The following SGCZ variants were observed in gnomAD, a reference collection of about 807,000 sequenced individuals.
SGCZ encodes the protein sarcoglycan zeta.
In SGCZ, 40 loss-of-function variants were observed where a neutral mutation model predicts 41.3. The observed-to-expected ratio is 0.97, with a 90% CI of 0.75 to 1.26. SGCZ has a LOEUF of 1.26. SGCZ is among the 50% of genes most tolerant of loss of function. The probability of loss-of-function intolerance (pLI) is 0.00; values close to 1 mark genes in which losing one functional copy is unlikely to be tolerated. For synonymous variants in SGCZ, 206 were observed against 137.5 expected (o/e 1.50, Z -3.49); for missense variants, 552 against 369.8 (o/e 1.49, Z -4.04).
chr8:14,758,838 G>C lies in SGCZ; in HGVS notation c.40-203912C>G, dbSNP rs370993933. The stretch of plus-strand genomic sequence containing the variant: ...AGCCTGATCAACATGAAGAAACCCT[G>C]TCTCTACTAAAAATACAAAATTAAC... On this transcript the variant is annotated intron_variant, in intron 1 of 7. Transcript: ENST00000382080. 1.8e-4 allele frequency among the ~76,000 whole-genome samples: 28 copies of C among 152,060 alleles called. No individual in the cohort carries two copies. In the East Asian group the frequency reaches 3.9e-3, roughly 21 times the overall value.
At chr8:14,466,620 T>A (rs1412870245) in intron 2 of SGCZ, among the ~76,000 whole-genome samples, 1 of 151,772 alleles carries the variant, frequency 6.6e-6, no homozygotes, top group Non-Finnish European at 1.5e-5. Context: ...CTCATGTTCC[T>A]TAAATTTTTT....
chr8:14,332,424 G>A (rs187074218), intron 2 of SGCZ: 1 of 152,130 alleles, frequency 6.6e-6, no homozygotes, highest in Non-Finnish European at 1.5e-5. Context: ...CTGGGCGACA[G>A]AGAGAGACTC....
chr8:14,417,745 A>G (rs1217174540), intron 2 of SGCZ, among the ~76,000 whole-genome samples: 1 of 151,876 alleles, frequency 6.6e-6, no homozygotes, highest in African/African-American at 2.4e-5. Flanking sequence ...CAAAAAAGGT[A>G]ACTATGTAAG....
chr8:14,559,468 G>A (rs925244865), intron 1 of SGCZ, among the ~76,000 whole-genome samples: 7 of 151,896 alleles, frequency 4.6e-5, no homozygotes, highest in South Asian at 4.2e-4. Context: ...AAACACTACC[G>A]AAAGAAATTA....
intron 2 of SGCZ, among the ~76,000 whole-genome samples, chr8:14,539,895 T>A (rs1803407697): frequency 6.6e-6 from 1 of 151,964 alleles, no homozygotes; most frequent in Non-Finnish European, 1.5e-5. Context: ...TTTGTTGGCT[T>A]GTTTGCTTTA....
chr8:14,520,638 A>G (rs1363295940), intron 2 of SGCZ, among the ~76,000 whole-genome samples: 1 of 152,160 alleles, frequency 6.6e-6, no homozygotes, highest in Non-Finnish European at 1.5e-5. Context: ...ATAAGGGCAC[A>G]ATATATTTCT....
intron 5 of SGCZ, among the ~76,000 whole-genome samples, chr8:14,128,610 G>A (rs2117051972): frequency 6.6e-6 from 1 of 152,224 alleles, no homozygotes; most frequent in Non-Finnish European, 1.5e-5. Flanking sequence ...CATGTTTACT[G>A]CAGCACTATT....
intron 2 of SGCZ, among the ~76,000 whole-genome samples, chr8:14,420,340 T>G (rs1799605557): frequency 6.6e-6 from 1 of 152,076 alleles, no homozygotes; most frequent in African/African-American, 2.4e-5. Context: ...CCATCACTAA[T>G]TATTGCTATT....
At chr8:15,117,124 C>A (rs1009658107) in intron 1 of SGCZ, among the ~76,000 whole-genome samples, 2 of 152,188 alleles carry the variant, frequency 1.3e-5, no homozygotes, top group Non-Finnish European at 2.9e-5. Context: ...GTAATCCCAG[C>A]ATTTTGGGAG....
At chr8:14,604,740 T>A (rs906155823) in intron 1 of SGCZ, among the ~76,000 whole-genome samples, 8 of 152,168 alleles carry the variant, frequency 5.3e-5, no homozygotes, top group Non-Finnish European at 1.2e-4. Flanking sequence ...GAGAGAATTG[T>A]TACTTTTACT....
intron 1 of SGCZ, among the ~76,000 whole-genome samples, chr8:14,895,007 G>A (rs901828870): frequency 1.3e-5 from 2 of 152,094 alleles, no homozygotes; most frequent in Non-Finnish European, 1.5e-5. Flanking sequence ...CTAAAGTTTG[G>A]GGGTCCAGGG....
intron 4 of SGCZ, chr8:14,165,106 C>T (rs1370288136): frequency 2.4e-5 from 4 of 163,340 alleles, no homozygotes; most frequent in Non-Finnish European, 5.4e-5. Context: ...GCAGTGTAGA[C>T]AATAGTACCC....
At chr8:15,039,963 C>T (rs551241366) in intron 1 of SGCZ, among the ~76,000 whole-genome samples, 1 of 152,280 alleles carries the variant, frequency 6.6e-6, no homozygotes, top group Admixed American at 6.5e-5. Flanking sequence ...TTTATTATAA[C>T]TTATGCTTCA....
intron 3 of SGCZ, among the ~76,000 whole-genome samples, chr8:14,295,414 G>T (rs1055124423): frequency 6.6e-6 from 1 of 152,050 alleles, no homozygotes; most frequent in African/African-American, 2.4e-5. Flanking sequence ...TAAAGTAATG[G>T]TACATCAATG....
chr8:14,344,454 A>C (rs1047701087), intron 2 of SGCZ, among the ~76,000 whole-genome samples: 1 of 152,122 alleles, frequency 6.6e-6, no homozygotes, highest in Non-Finnish European at 1.5e-5. Flanking sequence ...TAACAACAAT[A>C]AAACTGACAG....
chr8:14,199,258 G>A (rs1805377495), intron 4 of SGCZ, among the ~76,000 whole-genome samples: 1 of 152,104 alleles, frequency 6.6e-6, no homozygotes, highest in African/African-American at 2.4e-5. Flanking sequence ...TGTCATAGCG[G>A]ACAGATGAAA....
intron 2 of SGCZ, among the ~76,000 whole-genome samples, chr8:14,342,530 T>C (rs1802746223): frequency 6.6e-6 from 1 of 152,192 alleles, no homozygotes; most frequent in Non-Finnish European, 1.5e-5. Context: ...TTAGCCAGGA[T>C]GGTCTCGATC....
intron 4 of SGCZ, among the ~76,000 whole-genome samples, chr8:14,209,465 C>T (rs533407457): frequency 6.6e-6 from 1 of 152,172 alleles, no homozygotes; most frequent in East Asian, 1.9e-4. Context: ...TGCTGCTTCG[C>T]TTATGATAAT....
chr8:14,673,419 G>A (rs539082635), intron 1 of SGCZ, among the ~76,000 whole-genome samples: 283 of 151,056 alleles, frequency 1.9e-3, no homozygotes, highest in Non-Finnish European at 3.1e-3. Context: ...TCTCGCGCTC[G>A]CGCTGTCTCT....
Sources: gnomAD v4.1 joint callset for allele counts (sites outside exome capture counted in the v4.1 genomes callset) on GRCh38, gnomAD v4.1.1 for gene constraint, MANE v1.5 for transcripts, NCBI Gene and HGNC (gene_info 2026-07-23, HGNC 2026-07-21) for gene names.